Variants in TACR1 observed in about 807,000 individuals in gnomAD.
TACR1 encodes the protein tachykinin receptor 1.
A neutral mutation model predicts 35.8 loss-of-function variants in TACR1; 25 were observed. The ratio of observed to expected loss-of-function variants is 0.70; its 90% CI spans 0.51 to 0.98. The LOEUF (loss-of-function observed/expected upper bound fraction) is 0.98. Among genes scored for constraint, TACR1 ranks in the 50% least tolerant of loss-of-function variants. The probability of loss-of-function intolerance (pLI) is 0.00; values close to 1 mark genes in which losing one functional copy is unlikely to be tolerated. For synonymous variants in TACR1, 195 were observed against 206.7 expected (o/e 0.94, Z 0.48); for missense variants, 478 against 522.9 (o/e 0.91, Z 0.84).
At chr2:75,139,751 T>G (rs145419033) in intron 1 of TACR1, among the ~76,000 whole-genome samples, 2 of 152,172 alleles carry the variant, frequency 1.3e-5, no homozygotes, top group African/African-American at 4.8e-5. Flanking sequence ...GAGGCTCCGT[T>G]GGGGAGAAAT....
chr2:75,076,580 G>A (rs1672984427), intron 2 of TACR1, among the ~76,000 whole-genome samples: 1 of 152,202 alleles, frequency 6.6e-6, no homozygotes, highest in Non-Finnish European at 1.5e-5. Flanking sequence ...ATCTGTGAAA[G>A]CTTGGAGTAC....
In TACR1 at chr2:75,053,797, T is replaced by C. The variant is rs1212592407; in HGVS notation, c.585-42A>G. The C allele has an allele frequency of 7.4e-6, 12 of 1,612,730 alleles. 1 individual carries two copies. Among genetic ancestry groups the C allele is most frequent in the African/African-American group, 4.0e-5 (3 of 75,036 alleles). On this transcript the variant is annotated intron_variant, in intron 2 of 4. Transcript: ENST00000305249. ...AGGAAAGGTCAGTATGATATACTTATTATTTTAGGTTTTTAATTTTTGTTA... is the reference window on the plus strand; with the variant it reads ...AGGAAAGGTCAGTATGATATACTTACTATTTTAGGTTTTTAATTTTTGTTA...
chr2:75,087,413 G>A (rs750618726), intron 2 of TACR1, among the ~76,000 whole-genome samples: 3 of 152,168 alleles, frequency 2.0e-5, no homozygotes, highest in Non-Finnish European at 4.4e-5. Context: ...TTTGCAAAAA[G>A]TGCTTTTCTC....
chr2:75,131,251 G>A (rs575220316), intron 1 of TACR1, among the ~76,000 whole-genome samples: 1 of 152,076 alleles, frequency 6.6e-6, no homozygotes, highest in South Asian at 2.1e-4. Context: ...ACCATGCTTG[G>A]CTAATTTTTT....
Position 75,154,450 on chromosome 2 carries a change from A to ACACACACT in TACR1, c.390-33683_390-33682insAGTGTGTG, listed in dbSNP as rs1362786009. The ACACACACT allele has an allele frequency of 4.5e-5, 4 of 89,174 alleles. 1 individual carries two copies. The highest frequency in any genetic ancestry group is 1.7e-4 in the African/African-American group (4 of 22,888). The allele number at this position is 89,174 out of a possible 1,614,324, so 5.5% of individuals were successfully genotyped here. A position where few individuals can be genotyped will look rare whatever the true frequency, so the allele number is the denominator to read the frequency against. ...CACACACACACACACACACACACACACTCTGAAGAAACCCAGTGGAGATTC... is the reference window on the plus strand; with the variant it reads ...CACACACACACACACACACACACACACACACACTCTCTGAAGAAACCCAGTGGAGATTC... On this transcript the variant is annotated intron_variant, in intron 1 of 4. Transcript: ENST00000305249.
At chr2:75,094,859 A>ATTTTT (rs58283121) in intron 2 of TACR1, among the ~76,000 whole-genome samples, 12 of 113,100 alleles carry the variant, frequency 1.1e-4, no homozygotes, top group African/African-American at 4.3e-4. Context: ...ATATATATAT[A>ATTTTT]TTTTTTTTTT....
At chr2:75,060,161 G>A (rs1672644363) in intron 2 of TACR1, among the ~76,000 whole-genome samples, 2 of 152,242 alleles carry the variant, frequency 1.3e-5, no homozygotes, top group Admixed American at 6.5e-5. Flanking sequence ...GGAGCTCACA[G>A]TCTGCAGGGG....
chr2:75,187,533 T>A (rs1675737525), intron 1 of TACR1: 1 of 152,218 alleles, frequency 6.6e-6, no homozygotes, highest in African/African-American at 2.4e-5. Flanking sequence ...CTACAATCTT[T>A]CCTGTTCAAG....
chr2:75,102,695 C>T (rs568148241), intron 2 of TACR1, among the ~76,000 whole-genome samples: 6 of 152,158 alleles, frequency 3.9e-5, no homozygotes, highest in East Asian at 1.9e-4. Context: ...ATTTATAAAT[C>T]GTGATATTCC....
At chr2:75,068,124 A>G (rs1451446057) in intron 2 of TACR1, among the ~76,000 whole-genome samples, 1 of 152,174 alleles carries the variant, frequency 6.6e-6, no homozygotes, top group Non-Finnish European at 1.5e-5. Flanking sequence ...TTATCTATCT[A>G]TTGAGATTTA....
intron 2 of TACR1, among the ~76,000 whole-genome samples, chr2:75,087,310 T>C (rs376284685): frequency 3.3e-5 from 5 of 152,334 alleles, no homozygotes; most frequent in East Asian, 3.9e-4. Flanking sequence ...GTCTAGAATG[T>C]TGAAGTAAGA....
chr2:75,059,085 G>A (rs1302377460), intron 2 of TACR1, among the ~76,000 whole-genome samples: 1 of 152,176 alleles, frequency 6.6e-6, no homozygotes, highest in Non-Finnish European at 1.5e-5. Context: ...TTCTGTGGAT[G>A]ATATTGTTTC....
At chr2:75,130,878 C>T (rs1182240976) in intron 1 of TACR1, among the ~76,000 whole-genome samples, 1 of 152,196 alleles carries the variant, frequency 6.6e-6, no homozygotes, top group Non-Finnish European at 1.5e-5. Flanking sequence ...CATGACTTCT[C>T]GCTTAGATTA....
At chr2:75,107,775 T>C (rs190138929) in intron 2 of TACR1, among the ~76,000 whole-genome samples, 18 of 151,984 alleles carry the variant, frequency 1.2e-4, no homozygotes, top group Admixed American at 3.9e-4. Flanking sequence ...ATAAATGAAC[T>C]GAGTATTAAA....
chr2:75,114,361 T>A (rs991722832), intron 2 of TACR1, among the ~76,000 whole-genome samples: 10 of 152,236 alleles, frequency 6.6e-5, no homozygotes, highest in African/African-American at 2.4e-4. Context: ...TGTCTAAATC[T>A]CATTTTTTTG....
chr2:75,110,590 C>G (rs1673730941), intron 2 of TACR1, among the ~76,000 whole-genome samples: 1 of 151,578 alleles, frequency 6.6e-6, no homozygotes, highest in Admixed American at 6.6e-5. Flanking sequence ...TACTTTGAAG[C>G]CTGCTTTATT....
chr2:75,188,818 C>T (rs1313330729), intron 1 of TACR1: 2 of 152,116 alleles, frequency 1.3e-5, no homozygotes, highest in Non-Finnish European at 2.9e-5. Flanking sequence ...TGTAGACCTT[C>T]TTTATAAGAG....
intron 1 of TACR1, among the ~76,000 whole-genome samples, chr2:75,181,671 A>G (rs1386133543): frequency 6.6e-6 from 1 of 152,170 alleles, no homozygotes. Context: ...TTGGGGTGGT[A>G]ATGAATTACC....
chr2:75,117,548 A>G (rs1673890462), intron 2 of TACR1, among the ~76,000 whole-genome samples: 1 of 152,188 alleles, frequency 6.6e-6, no homozygotes, highest in Non-Finnish European at 1.5e-5. Context: ...AGGACTTCAT[A>G]TAGGTTATTT....
Sources: allele counts gnomAD v4.1 joint callset (sites outside exome capture counted in the v4.1 genomes callset), GRCh38; gene constraint gnomAD v4.1.1; transcripts MANE v1.5; gene names NCBI Gene and HGNC (gene_info 2026-07-23, HGNC 2026-07-21).